DCC: variants seen among roughly 807,000 people sequenced by gnomAD.
The protein encoded by DCC is netrin receptor DCC.
A neutral mutation model predicts 172.5 loss-of-function variants in DCC; 58 were observed. That is an observed-to-expected ratio of 0.34 (90% CI 0.27 to 0.42). The LOEUF is 0.42. Ranked by LOEUF, DCC falls within the 10% of genes least tolerant of loss-of-function variation. The pLI is 1.00. For missense variants in DCC, 1,740 were observed against 1,791.0 expected, an observed-to-expected ratio of 0.97 and a Z score of 0.51; for synonymous variants, 709 against 644.5, an observed-to-expected ratio of 1.10 and a Z score of -1.52.
At chr18:53,212,716 G>A (rs1305447003) in intron 11 of DCC, among the ~76,000 whole-genome samples, 2 of 150,666 alleles carry the variant, frequency 1.3e-5, no homozygotes, top group Non-Finnish European at 2.9e-5. Flanking sequence ...TCTTGCCCAG[G>A]GTGGAGTGCA....
At chr18:53,435,349 A>G in intron 22 of DCC, 140 bp downstream of exon 22, 1 of 627,774 alleles carries the variant, frequency 1.6e-6, no homozygotes, top group South Asian at 1.9e-5. Context: ...TAGAAACATG[A>G]AGTTATTAAA....
chr18:53,313,880 T>C (rs2057313307), intron 13 of DCC, among the ~76,000 whole-genome samples: 1 of 152,222 alleles, frequency 6.6e-6, no homozygotes. Context: ...GCTTAATTTC[T>C]CTGAGCCTTA....
intron 9 of DCC, among the ~76,000 whole-genome samples, chr18:53,187,304 A>G (rs1442924147): frequency 1.3e-5 from 2 of 151,854 alleles, no homozygotes; most frequent in Non-Finnish European, 2.9e-5. Flanking sequence ...TTGTATTTTT[A>G]GTAGAGACGG....
intron 26 of DCC, among the ~76,000 whole-genome samples, chr18:53,491,218 C>T (rs1454822709): frequency 1.3e-5 from 2 of 151,842 alleles, no homozygotes; most frequent in Non-Finnish European, 2.9e-5. Context: ...GGAGCAATGG[C>T]GTTAAAGAGT....
chr18:53,453,070 C>T (rs1045777137), intron 23 of DCC, among the ~76,000 whole-genome samples: 42 of 152,204 alleles, frequency 2.8e-4, no homozygotes, highest in African/African-American at 9.6e-4. Context: ...TGCCCGCCAC[C>T]ACGCCCAGCT....
chr18:52,711,931 C>T (rs1382770404), intron 1 of DCC, among the ~76,000 whole-genome samples: 1 of 152,030 alleles, frequency 6.6e-6, no homozygotes, highest in Non-Finnish European at 1.5e-5. Flanking sequence ...GCTCAGTGGA[C>T]TATAAAAGCA....
chr18:52,657,413 G>A (rs761570322), intron 1 of DCC, among the ~76,000 whole-genome samples: 8 of 152,190 alleles, frequency 5.3e-5, no homozygotes, highest in Non-Finnish European at 8.8e-5. Flanking sequence ...AGAATTTGCT[G>A]AGGGGCCCCT....
chr18:52,672,433 G>C (rs2035570620), intron 1 of DCC, among the ~76,000 whole-genome samples: 2 of 152,018 alleles, frequency 1.3e-5, no homozygotes, highest in African/African-American at 4.8e-5. Context: ...TTATGGAAAT[G>C]GGTAGAGAGA....
At chr18:53,132,256 G>T (rs188343687) in intron 7 of DCC, among the ~76,000 whole-genome samples, 2 of 152,048 alleles carry the variant, frequency 1.3e-5, no homozygotes, top group East Asian at 3.9e-4. Context: ...TGGAGAATTT[G>T]CCAGTTTCTG....
intron 2 of DCC, among the ~76,000 whole-genome samples, chr18:52,804,040 C>T (rs1161707704): frequency 1.3e-5 from 2 of 152,130 alleles, no homozygotes; most frequent in Admixed American, 6.6e-5. Context: ...TGTGTGGGTG[C>T]CAGTGGTGGC....
At chr18:53,026,128 A>G (rs1398871561) in intron 5 of DCC, among the ~76,000 whole-genome samples, 3 of 152,036 alleles carry the variant, frequency 2.0e-5, no homozygotes, top group African/African-American at 7.2e-5. Context: ...CCCCTACTCC[A>G]TAAGTCTATG....
chr18:52,898,688 A>G (rs2039767555), intron 2 of DCC, among the ~76,000 whole-genome samples: 1 of 128,366 alleles, frequency 7.8e-6, no homozygotes, highest in South Asian at 2.4e-4. Flanking sequence ...TGCCATGGTG[A>G]TTTTTTACCT....
intron 5 of DCC, among the ~76,000 whole-genome samples, chr18:52,982,166 T>C (rs2041221950): frequency 6.6e-6 from 1 of 152,072 alleles, no homozygotes; most frequent in African/African-American, 2.4e-5. Context: ...GATGATTAAA[T>C]TTACAGAGGG....
intron 12 of DCC, among the ~76,000 whole-genome samples, chr18:53,234,067 A>G (rs1440796630): frequency 6.6e-6 from 1 of 152,144 alleles, no homozygotes; most frequent in African/African-American, 2.4e-5. Flanking sequence ...CCTGACCAAC[A>G]TGGAGAAACA....
chr18:53,238,041 G>A (rs2056231482), intron 12 of DCC, among the ~76,000 whole-genome samples: 1 of 152,144 alleles, frequency 6.6e-6, no homozygotes, highest in African/African-American at 2.4e-5. Flanking sequence ...GGAGCACTGT[G>A]CTTGACCTTC....
At chr18:53,020,190 A>T (rs2041860384) in intron 5 of DCC, among the ~76,000 whole-genome samples, 1 of 152,144 alleles carries the variant, frequency 6.6e-6, no homozygotes, top group South Asian at 2.1e-4. Flanking sequence ...TTCTAATGTG[A>T]CACTTTCAAA....
At position 52,879,149 on chromosome 18, in the gene DCC, CA is replaced by C. The variant is rs561501895; in HGVS notation, c.413-26892del. On this transcript the variant is annotated intron_variant, in intron 2 of 28. Transcript: ENST00000442544. ...TTACTGGCTGAGTAGATTTAGAAAT[CA>C]AATTGGACCTAAAGGAAAGTGAAAG... 4.6e-5 allele frequency among the ~76,000 whole-genome samples: 7 copies of C among 152,252 alleles called. No homozygotes were observed. The East Asian group carries it at 1.4e-3, about 29-fold the overall frequency.
At chr18:53,385,978 T>C (rs1908135515) in intron 15 of DCC, 65 bp from the exon 16 acceptor site, 1 of 1,067,802 alleles carries the variant, frequency 9.4e-7, no homozygotes, top group South Asian at 1.3e-5. Context: ...GGAAAATGTT[T>C]GCCTTGAGTA....
intron 19 of DCC, among the ~76,000 whole-genome samples, chr18:53,409,271 C>A (rs1011295187): frequency 6.6e-6 from 1 of 152,174 alleles, no homozygotes; most frequent in Non-Finnish European, 1.5e-5. Flanking sequence ...TCTGACATAA[C>A]CCTTAACCAC....
Sources: gnomAD v4.1 joint callset for allele counts (sites outside exome capture counted in the v4.1 genomes callset) on GRCh38, gnomAD v4.1.1 for gene constraint, MANE v1.5 for transcripts, NCBI Gene and HGNC (gene_info 2026-07-23, HGNC 2026-07-21) for gene names.